Variants in NXN observed in about 807,000 individuals in gnomAD.
NXN encodes the protein nucleoredoxin, also known as nucleoredoxin 1.
In NXN, 16 loss-of-function variants were observed where a neutral mutation model predicts 48.6. The observed-to-expected ratio is 0.33, with a 90% CI of 0.22 to 0.50. The LOEUF is 0.50. NXN is among the 20% of genes least tolerant of loss of function. The pLI, the probability that NXN is intolerant of heterozygous loss-of-function variation, is 0.98. For missense variants in NXN, 492 were observed against 605.5 expected, an observed-to-expected ratio of 0.81 and a Z score of 1.97; for synonymous variants, 281 against 269.6, an observed-to-expected ratio of 1.04 and a Z score of -0.41.
chr17:801,194 T>C, intron 7 of NXN, 63 bp from the exon 8 acceptor site: 1 of 1,331,834 alleles, frequency 7.5e-7, no homozygotes. Context: ...GAGAGTCCCC[T>C]GGGCCCAGTC....
chr17:923,505 G>A (rs188421412), intron 1 of NXN, among the ~76,000 whole-genome samples: 23 of 152,224 alleles, frequency 1.5e-4, no homozygotes, highest in Admixed American at 7.9e-4. Context: ...GCAACACAGC[G>A]AGACCGTGTC....
At chr17:884,174 T>C (rs2068316969) in intron 1 of NXN, among the ~76,000 whole-genome samples, 1 of 151,754 alleles carries the variant, frequency 6.6e-6, no homozygotes, top group Non-Finnish European at 1.5e-5. Context: ...TGAGCTGAGA[T>C]TGCACCACTG....
At chr17:948,754 G>A (rs2095506006) in intron 1 of NXN, among the ~76,000 whole-genome samples, 1 of 151,774 alleles carries the variant, frequency 6.6e-6, no homozygotes, top group Non-Finnish European at 1.5e-5. Flanking sequence ...AGCATTCTCA[G>A]ATGGTACTAA....
In NXN at chr17:833,833, G is replaced by A. The variant is rs185118433; in HGVS notation, c.361-7755C>T. Among the ~76,000 whole-genome samples the A allele has an allele frequency of 2.0e-5, 3 of 152,196 alleles. No individual in the cohort carries two copies. The East Asian group carries it at 5.8e-4, about 29-fold the overall frequency. ...ATCCTGCTGTAAACATTCCTCCAAT[G>A]TAGTCAGGATCTGCCGAAAACCTAA... On this transcript the variant is annotated intron_variant, in intron 1 of 7. Coordinates refer to ENST00000336868, the MANE Select transcript of NXN (RefSeq NM_022463.5).
At chr17:922,108 C>A (rs1282330822) in intron 1 of NXN, among the ~76,000 whole-genome samples, 3 of 152,172 alleles carry the variant, frequency 2.0e-5, no homozygotes, top group African/African-American at 7.2e-5. Context: ...TGTTGGCCAA[C>A]AGAAACGGGT....
At chr17:880,265 C>T (rs149365329) in intron 1 of NXN, among the ~76,000 whole-genome samples, 21 of 151,834 alleles carry the variant, frequency 1.4e-4, no homozygotes, top group African/African-American at 3.4e-4. Context: ...TTTCCGGGGG[C>T]GGAGGAGTGA....
intron 1 of NXN, among the ~76,000 whole-genome samples, chr17:889,761 A>AAGAAAGAAAAAG (rs1555619043): frequency 2.8e-4 from 20 of 70,818 alleles, no homozygotes; most frequent in African/African-American, 1.0e-3. Flanking sequence ...GAAAGAAAGA[A>AAGAAAGAAAAAG]AAAGAAAGAA....
At chr17:927,276 CA>C in intron 1 of NXN, among the ~76,000 whole-genome samples, 1 of 132,544 alleles carries the variant, frequency 7.5e-6, no homozygotes, top group South Asian at 2.5e-4. Flanking sequence ...GACTCCATCT[CA>C]AAAAAAAAGA....
At chr17:910,695 T>C (rs1299907068) in intron 1 of NXN, 1 of 152,230 alleles carries the variant, frequency 6.6e-6, no homozygotes, top group Non-Finnish European at 1.5e-5. Context: ...TGCTTCCAGA[T>C]TCTTCAAGTA....
chr17:854,383 T>A (rs938858433), intron 1 of NXN, among the ~76,000 whole-genome samples: 1 of 151,884 alleles, frequency 6.6e-6, no homozygotes, highest in Non-Finnish European at 1.5e-5. Flanking sequence ...GAGCGGTGGC[T>A]CACGCCTGTC....
rs1435750997 is a variant in NXN, at chr17:812,756, G to C, written c.820+6683C>G. ...GTGTAGGGTGCGTGAGTGAGAGTGTGCATATGTGTGAGTGTAGGTGTGTGC... is the reference window on the plus strand; with the variant it reads ...GTGTAGGGTGCGTGAGTGAGAGTGTCCATATGTGTGAGTGTAGGTGTGTGC... On this transcript the variant is annotated intron_variant, in intron 5 of 7. Transcript: ENST00000336868. Among the ~76,000 whole-genome samples, 3 of 149,862 alleles carry C rather than the reference G, an allele frequency of 2.0e-5. No homozygotes were observed. The South Asian group carries it at 6.3e-4, about 32-fold the overall frequency.
intron 1 of NXN, among the ~76,000 whole-genome samples, chr17:891,020 G>GGTCT (rs10581940): frequency 2.0e-5 from 3 of 151,250 alleles, no homozygotes; most frequent in African/African-American, 7.3e-5. Flanking sequence ...TCTATCTATC[G>GGTCT]GTCTGTCTGT....
At chr17:947,681 C>T (rs935960998) in intron 1 of NXN, among the ~76,000 whole-genome samples, 9 of 136,682 alleles carry the variant, frequency 6.6e-5, no homozygotes, top group Non-Finnish European at 9.4e-5. Context: ...TGCAGTGAGC[C>T]GAGATCCTGC....
chr17:805,312 T>G, intron 5 of NXN, 65 bp from the exon 6 acceptor site: 1 of 1,516,420 alleles, frequency 6.6e-7, no homozygotes, highest in East Asian at 2.4e-5. Flanking sequence ...GGCAGGAGGC[T>G]CGCGGGGTCC....
chr17:880,226 G>A (rs1391886894), intron 1 of NXN: 1 of 152,192 alleles, frequency 6.6e-6, no homozygotes, highest in Non-Finnish European at 1.5e-5. Context: ...CATTCCTGGG[G>A]ACGGAGGAAT....
intron 5 of NXN, among the ~76,000 whole-genome samples, chr17:809,017 C>T (rs1011640400): frequency 1.3e-5 from 2 of 152,094 alleles, no homozygotes; most frequent in Non-Finnish European, 2.9e-5. Flanking sequence ...TTATTTGGCT[C>T]GTGAGAAGGC....
At chr17:950,379 G>A (rs1269876159) in intron 1 of NXN, among the ~76,000 whole-genome samples, 1 of 152,156 alleles carries the variant, frequency 6.6e-6, no homozygotes, top group South Asian at 2.1e-4. Flanking sequence ...ATCCCAACGA[G>A]AAAGGATCCG....
At chr17:811,511 G>A (rs556509673) in intron 5 of NXN, among the ~76,000 whole-genome samples, 1 of 146,102 alleles carries the variant, frequency 6.8e-6, no homozygotes, top group African/African-American at 2.7e-5. Context: ...CCCGGGGTTG[G>A]GGGGGGGGCA....
rs141408813 is a variant in NXN at position 863,594 on chromosome 17, G to A, written c.361-37516C>T. ...TCCTGACTCAGCCTCCTGAGTAGCTGGGACCACAGGAGCATGCCTCCATGC... is the reference window on the plus strand; with the variant it reads ...TCCTGACTCAGCCTCCTGAGTAGCTAGGACCACAGGAGCATGCCTCCATGC... On this transcript the variant is annotated intron_variant, in intron 1 of 7. Transcript: ENST00000336868. 9.5e-3 allele frequency among the ~76,000 whole-genome samples: 1,441 copies of A among 152,226 alleles called. 33 individuals carry two copies. Among genetic ancestry groups the A allele is most frequent in the African/African-American group, 0.033 (1,383 of 41,546 alleles).
Sources: gnomAD v4.1 joint callset for allele counts (sites outside exome capture counted in the v4.1 genomes callset) on GRCh38, gnomAD v4.1.1 for gene constraint, MANE v1.5 for transcripts, NCBI Gene and HGNC (gene_info 2026-07-23, HGNC 2026-07-21) for gene names.